CLDN2: variants seen among roughly 807,000 people sequenced by gnomAD.
CLDN2 encodes claudin-2.
CLDN2 carries 1 observed loss-of-function variant against 8.2 expected under a neutral mutation model. The ratio of observed to expected loss-of-function variants is 0.12; its 90% CI spans 0.04 to 0.58. The LOEUF is 0.58. Ranked by LOEUF, CLDN2 falls within the 20% of genes least tolerant of loss-of-function variation. The pLI is 0.90. For missense variants in CLDN2, 108 were observed against 172.9 expected (o/e 0.62, Z 2.11); for synonymous variants, 70 against 70.2 (o/e 1.00, Z 0.01).
chrX:106,912,130 T>C (rs1311950016), intron 1 of CLDN2, among the ~76,000 whole-genome samples: 2 of 110,678 alleles, frequency 1.8e-5, no homozygotes, highest in African/African-American at 6.6e-5. Context: ...TGACAGGACA[T>C]TTCTAAGCAT....
rs180724711 is a variant in CLDN2, at chrX:106,902,118, C to T, written c.-179+1614C>T. On this transcript the variant is annotated intron_variant, in intron 1 of 1. Coordinates refer to the CLDN2 transcript ENST00000541806. ...ATGCATGTGGCTGCATGTGAACACACGTCACAAGGGCTCGAACTCACCAAA... is the reference window on the plus strand; with the variant it reads ...ATGCATGTGGCTGCATGTGAACACATGTCACAAGGGCTCGAACTCACCAAA... 3.8e-4 allele frequency: 446 copies of T among 1,170,011 alleles called. 3 individuals are homozygous for T. The East Asian group carries it at 9.4e-3, about 25-fold the overall frequency.
At chrX:106,917,752 TTCCCTCCCTTTATTCTC>T (rs1933331748), upstream of CLDN2, among the ~76,000 whole-genome samples, 1 of 111,039 alleles carries the variant, frequency 9.0e-6, no homozygotes. Context: ...ATACTCTTAT[TTCCCTCCCTTTATTCTC>T]TCCCTACTCA....
intron 1 of CLDN2, among the ~76,000 whole-genome samples, chrX:106,911,646 T>C (rs766450655): frequency 8.9e-6 from 1 of 112,068 alleles, no homozygotes; most frequent in Admixed American, 9.4e-5. Flanking sequence ...TTTTCCCCCA[T>C]GTAGGGGTGC....
chrX:106,926,433 G>T (rs893928969), intron 1 of CLDN2, among the ~76,000 whole-genome samples: 19 of 111,227 alleles, frequency 1.7e-4, no homozygotes, highest in African/African-American at 5.6e-4. Flanking sequence ...GGGGCAAGAT[G>T]AGTTTGCTCA....
intron 1 of CLDN2, among the ~76,000 whole-genome samples, chrX:106,912,930 A>G (rs1191296505): frequency 1.8e-5 from 2 of 111,542 alleles, no homozygotes; most frequent in East Asian, 5.6e-4. Flanking sequence ...GAGCTTTCTA[A>G]TAAGATTAGT....
At chrX:106,924,318 A>G (rs1034352434) in intron 1 of CLDN2, among the ~76,000 whole-genome samples, 6 of 110,694 alleles carry the variant, frequency 5.4e-5, no homozygotes, top group Non-Finnish European at 1.1e-4. Flanking sequence ...AGTAGTAGTA[A>G]ATGTTTGAAG....
chrX:106,928,625 T>C lies in CLDN2; in HGVS notation c.397T>C (p.Phe133Leu), dbSNP rs756945099. The C allele has an allele frequency of 1.4e-5, 17 of 1,209,807 alleles. No homozygotes were observed. The highest frequency in any genetic ancestry group is 1.7e-5 in the Non-Finnish European group (15 of 895,129). The change falls in exon 2 of 2, where the codon TTC (phenylalanine) becomes CTC (leucine). Residue 133 changes from phenylalanine (F) to leucine (L), a missense_variant. By Grantham distance (22) the Phe-to-Leu change is conservative (BLOSUM62 0). This residue lies in a region of CLDN2 where 81 missense variants were observed against 100.8 expected (regional missense o/e 0.80). Transcript: ENST00000336803. Reference protein sequence around the residue: ...VFFILGGLLGFIPVAWNLHGI... With the variant: ...VFFILGGLLGLIPVAWNLHGI... The stretch of plus-strand genomic sequence containing the variant: ...TTTCATCCTTGGAGGCCTCCTGGGA[T>C]TCATTCCTGTTGCCTGGAATCTTCA...
In CLDN2 at chrX:106,928,803, C is replaced by G; in HGVS notation, c.575C>G (p.Ser192Cys). 8.3e-7 allele frequency: 1 copy of G among 1,211,339 alleles called. No homozygotes were observed. Among genetic ancestry groups the G allele is most frequent in the Non-Finnish European group, 1.1e-6 (1 of 895,300 alleles). ...TCCTGCTCATCCCAGAGAAATCGCT[C>G]CAACTACTACGATGCCTACCAAGCC... is the stretch of plus-strand genomic sequence containing the variant. ...CFSCSSQRNR[S>C]NYYDAYQAQP... The change falls in exon 2 of 2, where the codon TCC (serine) becomes TGC (cysteine). Residue 192 changes from serine (S) to cysteine (C), a missense_variant. Physicochemically the swap from Ser to Cys is moderately radical, Grantham distance 112. This residue lies in a region of CLDN2 where 81 missense variants were observed against 100.8 expected (regional missense o/e 0.80). Transcript: ENST00000336803.
chrX:106,923,203 G>A (rs1305360430), intron 1 of CLDN2, among the ~76,000 whole-genome samples: 1 of 112,023 alleles, frequency 8.9e-6, no homozygotes, highest in Non-Finnish European at 1.9e-5. Context: ...TCAAACTCCT[G>A]ACCTCGTGAT....
chrX:106,919,050 G>A (rs142720013), upstream of CLDN2, among the ~76,000 whole-genome samples: 1,962 of 112,201 alleles, frequency 0.017, 40 homozygotes, highest in African/African-American at 0.06. Context: ...AGTAGTTTAC[G>A]ATTAAATAAA....
Position 106,928,399 on chromosome X carries a change from C to T in CLDN2, c.171C>T (p.His57=), listed in dbSNP as rs1253322406. Residue 57 remains histidine (H), a synonymous_variant, in exon 2 of 2, where the codon CAC becomes CAT. Coordinates refer to ENST00000336803, the MANE Select transcript of CLDN2 (RefSeq NM_020384.4). ...SKGLWMECAT[H]STGITQCDIY... ...GCCTCTGGATGGAATGTGCCACACA[C>T]AGCACAGGCATCACCCAGTGTGACA... 1 of 1,210,529 alleles carries T rather than the reference C, an allele frequency of 8.3e-7. No homozygotes were observed. The highest frequency in any genetic ancestry group is 2.2e-5 in the Admixed American group (1 of 45,872).
Position 106,929,130 on chromosome X carries a change from C to A in CLDN2, c.*209C>A. ...TGAATTGCCAAGGATGCTCGCCATG[C>A]CAGCCTTTCTGTTTTCCTCACCTTG... On this transcript the variant is annotated 3_prime_UTR_variant, in exon 2 of 2. Coordinates refer to ENST00000336803, the MANE Select transcript of CLDN2 (RefSeq NM_020384.4). The A allele has an allele frequency of 4.6e-6, 2 of 433,464 alleles. No individual in the cohort carries two copies. The highest frequency in any genetic ancestry group is 8.7e-5 in the South Asian group (2 of 22,943). 35.7% of individuals were successfully genotyped at this position (433,464 alleles called of 1,213,427 possible). A position where few individuals can be genotyped will look rare whatever the true frequency, so the allele number is the denominator to read the frequency against.
chrX:106,903,579 C>T (rs1156727291), intron 1 of CLDN2, among the ~76,000 whole-genome samples: 1 of 111,710 alleles, frequency 9.0e-6, no homozygotes, highest in East Asian at 2.8e-4. Context: ...AGGGGCAAAT[C>T]GCACACCATT....
intron 1 of CLDN2, chrX:106,900,842 G>C: frequency 8.3e-7 from 1 of 1,211,733 alleles, no homozygotes; most frequent in Non-Finnish European, 1.1e-6. Flanking sequence ...GGACAGGAAA[G>C]TTCTGCAGTA....
chrX:106,917,329 G>A (rs767052945), upstream of CLDN2, among the ~76,000 whole-genome samples: 5 of 112,217 alleles, frequency 4.5e-5, no homozygotes, highest in South Asian at 7.5e-4. Flanking sequence ...GGAAACCAGA[G>A]GAGTGTTGTT....
At chrX:106,916,439 G>C (rs1933311483), upstream of CLDN2, among the ~76,000 whole-genome samples, 2 of 111,083 alleles carry the variant, frequency 1.8e-5, no homozygotes, top group African/African-American at 3.3e-5. Context: ...AACCAGTTTG[G>C]AGAGCTAGGT....
At chrX:106,917,151 C>T (rs1569287979), upstream of CLDN2, among the ~76,000 whole-genome samples, 1 of 112,138 alleles carries the variant, frequency 8.9e-6, no homozygotes, top group Non-Finnish European at 1.9e-5. Flanking sequence ...ATTTGGAAGT[C>T]GTCAGATGAT....
intron 1 of CLDN2, among the ~76,000 whole-genome samples, chrX:106,907,037 A>C (rs1480095599): frequency 8.9e-6 from 1 of 111,784 alleles, no homozygotes; most frequent in Non-Finnish European, 1.9e-5. Flanking sequence ...ACCTCAACCA[A>C]GAGCAGCTTG....
intron 1 of CLDN2, among the ~76,000 whole-genome samples, chrX:106,921,932 CT>C (rs1933398809): frequency 1.8e-5 from 2 of 112,474 alleles, no homozygotes; most frequent in Admixed American, 1.9e-4. Context: ...TCTATTAAAA[CT>C]GGCTGCTTCT....
Sources: allele counts gnomAD v4.1 joint callset (sites outside exome capture counted in the v4.1 genomes callset), GRCh38; gene constraint gnomAD v4.1.1; regional missense constraint gnomAD v4.1.1; transcripts MANE v1.5; gene names NCBI Gene and HGNC (gene_info 2026-07-23, HGNC 2026-07-21).